Variants in OCM observed in about 807,000 individuals in gnomAD.
The protein encoded by OCM is oncomodulin, also known as oncomodulin-1.
In OCM, 18 loss-of-function variants were observed where a neutral mutation model predicts 14.1. That is an observed-to-expected ratio of 1.28 (90% CI 0.88 to 1.89). The LOEUF (loss-of-function observed/expected upper bound fraction) is 1.89. Among genes scored for constraint, OCM ranks in the 40% most tolerant of loss-of-function variants. The probability of loss-of-function intolerance (pLI) is 0.00; values close to 1 mark genes in which losing one functional copy is unlikely to be tolerated. For missense variants in OCM, 140 were observed against 137.6 expected (o/e 1.02, Z -0.09); for synonymous variants, 48 against 51.0 (o/e 0.94, Z 0.25).
At chr7:5,868,363 G>A in the OCM span, among the ~76,000 whole-genome samples, 2 of 151,508 alleles carry the variant, frequency 1.3e-5, no homozygotes, top group African/African-American at 4.9e-5. Flanking sequence ...GCTCAGGCTG[G>A]TCTTGAACTC....
the OCM span, among the ~76,000 whole-genome samples, chr7:5,866,097 G>T: frequency 1.3e-5 from 2 of 151,288 alleles, no homozygotes; most frequent in Non-Finnish European, 2.9e-5. Flanking sequence ...GAAGGAGGAG[G>T]ATTACTTGAG....
chr7:5,882,631 C>A lies in OCM; in HGVS notation c.194+6C>A. The A allele has an allele frequency of 6.2e-7, 1 of 1,613,948 alleles. No individual in the cohort carries two copies. The highest frequency in any genetic ancestry group is 8.5e-7 in the Non-Finnish European group (1 of 1,179,952). On this transcript the variant is annotated splice_donor_region_variant and intron_variant, in intron 2 of 3. Transcript: ENST00000242104. ...CTGGATGAAGAAGAGCTTAAGTAAG[C>A]TTTGTCCTGAGTCTGTCTGGTACCC...
At chr7:5,886,038 C>A (rs770672824) in intron 3 of OCM, 26 bp from the exon 4 acceptor site, 1 of 1,614,110 alleles carries the variant, frequency 6.2e-7, no homozygotes, top group Non-Finnish European at 8.5e-7. Flanking sequence ...CCTCCACTGA[C>A]CCTGTTCTCA....
chr7:5,879,795 C>T (rs1781171654), upstream of OCM: 1 of 140,752 alleles, frequency 7.1e-6, no homozygotes, highest in Non-Finnish European at 1.5e-5. Context: ...TAAGACAAGA[C>T]ATTTGAGCTG....
upstream of OCM, among the ~76,000 whole-genome samples, chr7:5,876,706 C>T (rs1235505120): frequency 1.3e-5 from 2 of 152,126 alleles, no homozygotes; most frequent in Non-Finnish European, 1.5e-5. Context: ...CGTATACCAT[C>T]CTGGTAGGAG....
chr7:5,862,990 C>T, the OCM span, among the ~76,000 whole-genome samples: 1 of 151,778 alleles, frequency 6.6e-6, no homozygotes, highest in African/African-American at 2.4e-5. Context: ...ATACGTTTAT[C>T]TTATGTAAAA....
At chr7:5,866,855 C>G in the OCM span, among the ~76,000 whole-genome samples, 3 of 152,168 alleles carry the variant, frequency 2.0e-5, no homozygotes, top group Non-Finnish European at 4.4e-5. Flanking sequence ...TACCATGTAA[C>G]CCGCTCCCAC....
At chr7:5,869,896 A>G in the OCM span, among the ~76,000 whole-genome samples, 1 of 152,138 alleles carries the variant, frequency 6.6e-6, no homozygotes, top group Non-Finnish European at 1.5e-5. Flanking sequence ...CCAGGACAAG[A>G]GCACAGAGGC....
At chr7:5,879,211 A>C (rs1278599070), upstream of OCM, among the ~76,000 whole-genome samples, 2 of 152,116 alleles carry the variant, frequency 1.3e-5, no homozygotes, top group African/African-American at 4.8e-5. Context: ...AACAGAAACA[A>C]AATCTTGAGG....
intron 3 of OCM, among the ~76,000 whole-genome samples, chr7:5,885,205 A>G (rs1277739757): frequency 1.3e-5 from 2 of 151,878 alleles, no homozygotes; most frequent in African/African-American, 4.8e-5. Context: ...CCAGTTTTTT[A>G]TATCAATCTG....
At chr7:5,875,279 A>T (rs1050015533), upstream of OCM, among the ~76,000 whole-genome samples, 1 of 151,640 alleles carries the variant, frequency 6.6e-6, no homozygotes, top group African/African-American at 2.4e-5. Flanking sequence ...CTGGTCTCGA[A>T]CTCCGGACCT....
intron 3 of OCM, among the ~76,000 whole-genome samples, chr7:5,884,469 C>T (rs149901884): frequency 0.02 from 3,001 of 152,220 alleles, 91 homozygotes; most frequent in African/African-American, 0.067. Flanking sequence ...GACATTAGCC[C>T]GCCAAGGGGA....
chr7:5,863,321 C>T, the OCM span, among the ~76,000 whole-genome samples: 2 of 152,040 alleles, frequency 1.3e-5, no homozygotes, highest in African/African-American at 4.8e-5. Flanking sequence ...CCTCAAACTG[C>T]TGCATCAACC....
At chr7:5,877,779 C>T (rs1367794951), upstream of OCM, among the ~76,000 whole-genome samples, 3 of 130,940 alleles carry the variant, frequency 2.3e-5, no homozygotes, top group Non-Finnish European at 4.7e-5. Context: ...AAGATCATGC[C>T]TCTGCACTCC....
the OCM span, among the ~76,000 whole-genome samples, chr7:5,861,712 TC>T: frequency 3.3e-5 from 5 of 152,082 alleles, no homozygotes; most frequent in Admixed American, 3.3e-4. Context: ...TGTATTGGCA[TC>T]TCATTGTGGT....
chr7:5,869,516 T>G, the OCM span, among the ~76,000 whole-genome samples: 67 of 152,206 alleles, frequency 4.4e-4, no homozygotes, highest in Non-Finnish European at 7.6e-4. Context: ...AAGAATCACT[T>G]GAACCCAGGA....
the OCM span, among the ~76,000 whole-genome samples, chr7:5,870,955 C>G: frequency 2.0e-5 from 3 of 151,700 alleles, no homozygotes; most frequent in South Asian, 6.2e-4. Flanking sequence ...GGCATGATCT[C>G]AGCTCACCGC....
At chr7:5,878,240 G>A (rs1781135297), upstream of OCM, among the ~76,000 whole-genome samples, 1 of 151,488 alleles carries the variant, frequency 6.6e-6, no homozygotes, top group South Asian at 2.1e-4. Context: ...TGGGATTACA[G>A]GCATGAGCCA....
At chr7:5,866,658 T>G in the OCM span, among the ~76,000 whole-genome samples, 1 of 152,196 alleles carries the variant, frequency 6.6e-6, no homozygotes, top group Non-Finnish European at 1.5e-5. Flanking sequence ...CTCACTCAAC[T>G]CCCAGTAATA....
Sources: allele counts gnomAD v4.1 joint callset (sites outside exome capture counted in the v4.1 genomes callset), GRCh38; gene constraint gnomAD v4.1.1; transcripts MANE v1.5; gene names NCBI Gene and HGNC (gene_info 2026-07-23, HGNC 2026-07-21).